The following KCNMA1 variants were observed in gnomAD, a reference collection of about 807,000 sequenced individuals.
KCNMA1 encodes Calcium-activated potassium channel subunit alpha-1.
A neutral mutation model predicts 140.0 loss-of-function variants in KCNMA1; 29 were observed. The ratio of observed to expected loss-of-function variants is 0.21; its 90% CI spans 0.15 to 0.28. The LOEUF (loss-of-function observed/expected upper bound fraction) is 0.28, where lower values mean the gene tolerates loss of function less well. KCNMA1 is among the 10% of genes least tolerant of loss of function. The pLI is 1.00. For synonymous variants in KCNMA1, 612 were observed against 611.9 expected, an observed-to-expected ratio of 1.00 and a Z score of 0.00; for missense variants, 880 against 1,602.2, an observed-to-expected ratio of 0.55 and a Z score of 7.70.
chr10:76,941,062 A>AGAAG (rs2062005215), intron 23 of KCNMA1, among the ~76,000 whole-genome samples: 1 of 103,932 alleles, frequency 9.6e-6, no homozygotes, highest in Non-Finnish European at 2.0e-5. Flanking sequence ...AGAGAAAGAA[A>AGAAG]GAAAGAAAAA....
chr10:77,388,048 T>C (rs990881376), intron 2 of KCNMA1, among the ~76,000 whole-genome samples: 2 of 152,212 alleles, frequency 1.3e-5, no homozygotes, highest in Admixed American at 1.3e-4. Flanking sequence ...TGAAAGATGA[T>C]GAAAGTTCAC....
intron 1 of KCNMA1, among the ~76,000 whole-genome samples, chr10:77,556,712 G>A (rs1018340156): frequency 6.6e-6 from 1 of 151,994 alleles, no homozygotes; most frequent in Admixed American, 6.6e-5. Context: ...TGGATCCCTG[G>A]GTCATGAGCA....
At position 77,079,390 on chromosome 10, in the gene KCNMA1, G is replaced by GTA. The variant is rs1316167924; in HGVS notation, c.1593+90_1593+91insTA. 1.2e-5 allele frequency: 9 copies of GTA among 764,842 alleles called. No homozygotes were observed. In the African/African-American group the frequency reaches 1.5e-4, roughly 13 times the overall value. The allele number at this position is 764,842 out of a possible 1,614,324, so 47.4% of individuals were successfully genotyped here. A position where few individuals can be genotyped will look rare whatever the true frequency, so the allele number is the denominator to read the frequency against. ...TGAGAGTGTGTGTGTGTGTGTGTGTGTGTGTGTGTGTGTGAGCCTGTATAA... is the reference window on the plus strand; with the variant it reads ...TGAGAGTGTGTGTGTGTGTGTGTGTGTATGTGTGTGTGTGTGAGCCTGTATAA... On this transcript the variant is annotated intron_variant, in intron 13 of 27. Transcript: ENST00000286628.
At position 76,944,766 on chromosome 10, in the gene KCNMA1, T is replaced by C. The variant is rs200812545; in HGVS notation, c.2902+7A>G. On this transcript the variant is annotated splice_region_variant and intron_variant, in intron 23 of 27. Coordinates refer to ENST00000286628, the MANE Select transcript of KCNMA1 (RefSeq NM_001161352.2). ...CACAGCAAAGAAGTATTACAGGCTG[T>C]CCTTACCTTGGGAATTAGCCTGCAA... The C allele has an allele frequency of 6.2e-7, 1 of 1,613,400 alleles. No homozygotes were observed. The highest frequency in any genetic ancestry group is 8.5e-7 in the Non-Finnish European group (1 of 1,179,416).
At chr10:77,609,748 AT>A (rs1398599767) in intron 1 of KCNMA1, among the ~76,000 whole-genome samples, 14 of 142,646 alleles carry the variant, frequency 9.8e-5, no homozygotes, top group Middle Eastern at 3.5e-3. Context: ...ATAAGTGTTC[AT>A]TTTAAAAAAA....
intron 3 of KCNMA1, among the ~76,000 whole-genome samples, chr10:77,220,553 A>G (rs1369374670): frequency 6.6e-6 from 1 of 152,240 alleles, no homozygotes; most frequent in South Asian, 2.1e-4. Context: ...AGTGATAAGA[A>G]GAAAATCTGG....
chr10:77,113,001 C>A (rs1420735524), intron 6 of KCNMA1, among the ~76,000 whole-genome samples: 1 of 152,140 alleles, frequency 6.6e-6, no homozygotes, highest in African/African-American at 2.4e-5. Context: ...CATAAAAATT[C>A]AGTAATGCTA....
chr10:77,226,350 G>C (rs2051397455), intron 3 of KCNMA1, among the ~76,000 whole-genome samples: 1 of 151,836 alleles, frequency 6.6e-6, no homozygotes. Flanking sequence ...GGAATATTTT[G>C]GGCCTCACTT....
rs746586408 is a variant in KCNMA1, at chr10:77,019,008, C to G, written c.2015+5G>C. The G allele has an allele frequency of 4.1e-5, 63 of 1,522,998 alleles. No homozygotes were observed. The highest frequency in any genetic ancestry group is 5.2e-5 in the Non-Finnish European group (57 of 1,097,498). The allele number at this position is 1,522,998 out of a possible 1,614,324, so 94.3% of individuals were successfully genotyped here. On this transcript the variant is annotated splice_donor_5th_base_variant and intron_variant, in intron 17 of 27. Coordinates refer to ENST00000286628, the MANE Select transcript of KCNMA1 (RefSeq NM_001161352.2). ...AAAGAAAGCCAGTTGAAAATAAACT[C>G]TTACCTTTTAACTTCTTTGGCATCA...
At chr10:77,223,995 C>T (rs373834596) in intron 3 of KCNMA1, among the ~76,000 whole-genome samples, 7 of 152,310 alleles carry the variant, frequency 4.6e-5, no homozygotes, top group South Asian at 2.1e-4. Flanking sequence ...TGCTCTGCCA[C>T]GCCTCTGCCA....
chr10:77,223,857 A>T (rs1273280711), intron 3 of KCNMA1, among the ~76,000 whole-genome samples: 1 of 152,208 alleles, frequency 6.6e-6, no homozygotes, highest in Non-Finnish European at 1.5e-5. Context: ...CAGCCCAATG[A>T]GTCAGAGATC....
At chr10:77,172,525 C>T (rs148439294) in intron 5 of KCNMA1, among the ~76,000 whole-genome samples, 80 of 152,210 alleles carry the variant, frequency 5.3e-4, no homozygotes, top group African/African-American at 1.9e-3. Flanking sequence ...CAGCAATGAG[C>T]TCCCTGAAAT....
rs550457466 is a variant in KCNMA1, at chr10:77,083,525, G to A, written c.1523+1112C>T. ...GTAAAAAAAAAAAAAAAAAAAAAAG[G>A]GAGGGCAGGGCAGGGCAGGGCAGGG... On this transcript the variant is annotated intron_variant, in intron 12 of 27. Coordinates refer to ENST00000286628, the MANE Select transcript of KCNMA1 (RefSeq NM_001161352.2). 7.0e-3 allele frequency among the ~76,000 whole-genome samples: 1,011 copies of A among 144,928 alleles called. 8 individuals carry two copies. The highest frequency in any genetic ancestry group is 0.024 in the African/African-American group (966 of 40,238).
intron 2 of KCNMA1, among the ~76,000 whole-genome samples, chr10:77,349,473 T>A (rs2092609904): frequency 6.6e-6 from 1 of 152,178 alleles, no homozygotes; most frequent in South Asian, 2.1e-4. Context: ...GGCAAAAGGA[T>A]AATATTACTT....
At chr10:77,539,874 T>TA (rs1004901295) in intron 1 of KCNMA1, among the ~76,000 whole-genome samples, 10 of 152,206 alleles carry the variant, frequency 6.6e-5, no homozygotes, top group African/African-American at 2.4e-4. Flanking sequence ...ATGGTACATC[T>TA]AAAAAAATAA....
chr10:77,154,290 C>G (rs1432402275), intron 5 of KCNMA1, among the ~76,000 whole-genome samples: 1 of 152,010 alleles, frequency 6.6e-6, no homozygotes, highest in Non-Finnish European at 1.5e-5. Flanking sequence ...TATAAATTAC[C>G]CGGTCTGGAG....
At chr10:77,312,348 G>A (rs1231471616) in intron 2 of KCNMA1, among the ~76,000 whole-genome samples, 3 of 152,338 alleles carry the variant, frequency 2.0e-5, no homozygotes, top group South Asian at 2.1e-4. Context: ...GGAGATGGCC[G>A]GCCGCGGTGG....
chr10:77,581,789 G>C (rs946184969), intron 1 of KCNMA1, among the ~76,000 whole-genome samples: 14 of 152,232 alleles, frequency 9.2e-5, no homozygotes, highest in African/African-American at 3.1e-4. Flanking sequence ...GCAGGTGGTG[G>C]CCTTAGAAGG....
chr10:77,519,634 G>C (rs1327603774), intron 1 of KCNMA1, among the ~76,000 whole-genome samples: 1 of 152,102 alleles, frequency 6.6e-6, no homozygotes, highest in Non-Finnish European at 1.5e-5. Context: ...CAACCCAAAG[G>C]CTGAATTACT....
Sources: allele counts gnomAD v4.1 joint callset (sites outside exome capture counted in the v4.1 genomes callset), GRCh38; gene constraint gnomAD v4.1.1; transcripts MANE v1.5; gene names NCBI Gene and HGNC (gene_info 2026-07-23, HGNC 2026-07-21).